Variants in CHST8 observed in about 807,000 individuals in gnomAD.
CHST8 encodes carbohydrate sulfotransferase 8.
A neutral mutation model predicts 15.0 loss-of-function variants in CHST8; 10 were observed. That is an observed-to-expected ratio of 0.67 (90% CI 0.41 to 1.13). CHST8 has a LOEUF of 1.13. CHST8 is among the 50% of genes most tolerant of loss of function. The pLI is 0.00. For missense variants in CHST8, 634 were observed against 608.2 expected, an observed-to-expected ratio of 1.04 and a Z score of -0.45; for synonymous variants, 259 against 256.6, an observed-to-expected ratio of 1.01 and a Z score of -0.09.
At chr19:33,677,593 AGGAATCTTCTCAAATAGCTCCAT>A (rs1300557785) in intron 2 of CHST8, among the ~76,000 whole-genome samples, 12 of 152,306 alleles carry the variant, frequency 7.9e-5, no homozygotes, top group Non-Finnish European at 1.5e-4. Context: ...CCACCACTGC[AGGAATCTTCTCAAATAGCTCCAT>A]GGTACCAGTC....
chr19:33,707,823 A>G (rs1438900381), intron 3 of CHST8, among the ~76,000 whole-genome samples: 1 of 152,210 alleles, frequency 6.6e-6, no homozygotes, highest in East Asian at 1.9e-4. Context: ...AATTTAAGGG[A>G]TACTGACAAA....
In CHST8 at chr19:33,747,494, T is replaced by C. The variant is rs1043967300; in HGVS notation, c.131-23919T>C. ...TGTAAATACTCCCACTGCATCCAGC[T>C]CTAAGCTACCATGTAAAAATAAACA... On this transcript the variant is annotated intron_variant, in intron 3 of 4. Coordinates refer to ENST00000650847, the MANE Select transcript of CHST8 (RefSeq NM_001127895.2). Among the ~76,000 whole-genome samples, 4 of 152,150 alleles carry C rather than the reference T, an allele frequency of 2.6e-5. No homozygotes were observed. In the East Asian group the frequency reaches 7.7e-4, roughly 29 times the overall value.
chr19:33,641,922 A>T (rs1220171028), intron 1 of CHST8, among the ~76,000 whole-genome samples: 1 of 152,154 alleles, frequency 6.6e-6, no homozygotes, highest in Non-Finnish European at 1.5e-5. Context: ...AGAATTTAAA[A>T]CCAAAGTCCT....
At chr19:33,718,449 G>T (rs143699641) in intron 3 of CHST8, among the ~76,000 whole-genome samples, 58 of 152,216 alleles carry the variant, frequency 3.8e-4, no homozygotes, top group African/African-American at 1.3e-3. Context: ...TCCAAGTCCT[G>T]CACTTTGCTG....
intron 3 of CHST8, among the ~76,000 whole-genome samples, chr19:33,724,229 C>G (rs1032075907): frequency 2.0e-5 from 3 of 152,168 alleles, no homozygotes; most frequent in African/African-American, 7.2e-5. Context: ...ACACCCAGGC[C>G]CAGCCCCCTC....
intron 1 of CHST8, among the ~76,000 whole-genome samples, chr19:33,627,434 G>T (rs1972070315): frequency 6.6e-6 from 1 of 152,038 alleles, no homozygotes; most frequent in Non-Finnish European, 1.5e-5. Flanking sequence ...ATATTACCTA[G>T]CCTTAGGGAT....
At chr19:33,746,777 A>G (rs1330808185) in intron 3 of CHST8, among the ~76,000 whole-genome samples, 1 of 152,040 alleles carries the variant, frequency 6.6e-6, no homozygotes, top group Non-Finnish European at 1.5e-5. Context: ...CACCTAACAA[A>G]AGACCCTAGA....
At position 33,771,942 on chromosome 19, in the gene CHST8, C is replaced by T. The variant is rs747262906; in HGVS notation, c.169-15C>T. 109 of 1,540,612 alleles carry T rather than the reference C, an allele frequency of 7.1e-5. No individual in the cohort carries two copies. The Admixed American group carries it at 1.2e-3, about 18-fold the overall frequency. ...GTCCTTTCCACTCAGATAACCACTT[C>T]TCTTCTTGCCCCAGGACCTCCCACC... On this transcript the variant is annotated splice_polypyrimidine_tract_variant and intron_variant, in intron 4 of 4. Coordinates refer to ENST00000650847, the MANE Select transcript of CHST8 (RefSeq NM_001127895.2).
In CHST8 at chr19:33,773,397, A is replaced by C. The variant is rs1975054771; in HGVS notation, c.*334A>C. 8.6e-6 allele frequency: 3 copies of C among 349,494 alleles called. No homozygotes were observed. Among genetic ancestry groups the C allele is most frequent in the Non-Finnish European group, 1.6e-5 (3 of 190,730 alleles). 21.6% of individuals were successfully genotyped at this position (349,494 alleles called of 1,614,324 possible). A position where few individuals can be genotyped will look rare whatever the true frequency, so the allele number is the denominator to read the frequency against. On this transcript the variant is annotated 3_prime_UTR_variant, in exon 5 of 5. Coordinates refer to ENST00000650847, the MANE Select transcript of CHST8 (RefSeq NM_001127895.2). The stretch of plus-strand genomic sequence containing the variant: ...GGCCCAGCGGTAAGGGATGTCCCGC[A>C]CTCCCTTAGCCATTGCCTTGGACCA...
chr19:33,713,717 C>T (rs577817407), intron 3 of CHST8, among the ~76,000 whole-genome samples: 15 of 152,242 alleles, frequency 9.9e-5, no homozygotes, highest in Middle Eastern at 3.4e-3. Context: ...CCTGCCACCA[C>T]GCCCGGCTAA....
chr19:33,755,544 C>T (rs1034881829), intron 3 of CHST8, among the ~76,000 whole-genome samples: 3 of 152,224 alleles, frequency 2.0e-5, no homozygotes, highest in South Asian at 2.1e-4. Context: ...CTACCTGGCC[C>T]GCTCCTCATC....
chr19:33,757,532 GAAAGAAAGAA>G lies in CHST8; in HGVS notation c.131-13879_131-13870del, dbSNP rs1974615206. On this transcript the variant is annotated intron_variant, in intron 3 of 4. Coordinates refer to ENST00000650847, the MANE Select transcript of CHST8 (RefSeq NM_001127895.2). ...AAAGAAAGAAAGAAAGAGAAAGAAA[GAAAGAAAGAA>G]AGAAAGAAAGAAAGAAAGAAAGAAA... is the stretch of plus-strand genomic sequence containing the variant. 3.4e-4 allele frequency among the ~76,000 whole-genome samples: 16 copies of G among 46,886 alleles called. 2 individuals carry two copies. Among genetic ancestry groups the G allele is most frequent in the African/African-American group, 1.3e-3 (15 of 11,290 alleles). 30.8% of individuals were successfully genotyped at this position (46,886 alleles called of 152,430 possible).
chr19:33,722,896 CA>C (rs1410946712), intron 3 of CHST8, among the ~76,000 whole-genome samples: 1 of 152,208 alleles, frequency 6.6e-6, no homozygotes, highest in Non-Finnish European at 1.5e-5. Flanking sequence ...AGTCCTTTGC[CA>C]GGAGCAAGGG....
At position 33,689,206 on chromosome 19, in the gene CHST8, G is replaced by A. The variant is rs1022174517; in HGVS notation, c.-56G>A. 45 of 1,475,100 alleles carry A rather than the reference G, an allele frequency of 3.1e-5. 1 individual carries two copies. Among genetic ancestry groups the A allele is most frequent in the South Asian group, 7.2e-5 (5 of 69,614 alleles). 91.4% of individuals were successfully genotyped at this position (1,475,100 alleles called of 1,614,324 possible). ...GGCCTGATGGACGCCTGGTGTGGAC[G>A]ATGAGGGAAGAACGTGCCCCCCACA... is the stretch of plus-strand genomic sequence containing the variant. On this transcript the variant is annotated 5_prime_UTR_variant, in exon 3 of 5. Coordinates refer to ENST00000650847, the MANE Select transcript of CHST8 (RefSeq NM_001127895.2).
intron 3 of CHST8, among the ~76,000 whole-genome samples, chr19:33,749,292 C>T (rs897163608): frequency 6.6e-6 from 1 of 152,144 alleles, no homozygotes; most frequent in Non-Finnish European, 1.5e-5. Flanking sequence ...AGCTGTGTGA[C>T]CTTAGTGGCT....
chr19:33,628,181 C>T (rs1463991298), intron 1 of CHST8, among the ~76,000 whole-genome samples: 2 of 151,922 alleles, frequency 1.3e-5, no homozygotes, highest in Admixed American at 6.6e-5. Context: ...GCATGCCAGG[C>T]AGGCACAGGC....
chr19:33,765,554 T>TGTGTGTGAGA (rs1568362712), intron 3 of CHST8, among the ~76,000 whole-genome samples: 1 of 102,802 alleles, frequency 9.7e-6, no homozygotes, highest in African/African-American at 3.9e-5. Context: ...TGTGTGTGTG[T>TGTGTGTGAGA]CAGAGAGAGA....
At chr19:33,690,956 G>C (rs78743260) in intron 3 of CHST8, among the ~76,000 whole-genome samples, 11,206 of 152,298 alleles carry the variant, frequency 0.074, 446 homozygotes, top group Middle Eastern at 0.16. Context: ...TGTAGGCAGA[G>C]GGTCCAGGCG....
chr19:33,662,409 C>A (rs1037500914), intron 1 of CHST8, among the ~76,000 whole-genome samples: 1 of 152,178 alleles, frequency 6.6e-6, no homozygotes, highest in Non-Finnish European at 1.5e-5. Context: ...CACTCCACAC[C>A]CAGCTACATC....
Sources: allele counts gnomAD v4.1 joint callset (sites outside exome capture counted in the v4.1 genomes callset), GRCh38; gene constraint gnomAD v4.1.1; transcripts MANE v1.5; gene names NCBI Gene and HGNC (gene_info 2026-07-23, HGNC 2026-07-21).